The following ASTN2 variants were observed in gnomAD, a reference collection of about 807,000 sequenced individuals.
ASTN2 encodes the protein astrotactin 2, also known as astrotactin-2.
A neutral mutation model predicts 139.8 loss-of-function variants in ASTN2; 54 were observed. That is an observed-to-expected ratio of 0.39 (90% confidence interval 0.31 to 0.48). The LOEUF is 0.48. ASTN2 is among the 20% of genes least tolerant of loss of function. The pLI, the probability that ASTN2 is intolerant of heterozygous loss-of-function variation, is 0.95. For synonymous variants in ASTN2, 756 were observed against 719.5 expected (o/e 1.05, Z -0.81); for missense variants, 1,565 against 1,725.1 (o/e 0.91, Z 1.64).
chr9:116,590,754 G>A (rs7867838), intron 19 of ASTN2, among the ~76,000 whole-genome samples: 6,271 of 152,172 alleles, frequency 0.041, 374 homozygotes, highest in African/African-American at 0.13. Context: ...TAAAAACTCC[G>A]GACTCAGCCA....
At chr9:116,557,634 C>T (rs1031382557) in intron 19 of ASTN2, 1 of 152,080 alleles carries the variant, frequency 6.6e-6, no homozygotes, top group Non-Finnish European at 1.5e-5. Context: ...TGGAAATTGT[C>T]CTTAAAGGAA....
At chr9:117,093,157 CAG>C (rs1336243353) in intron 5 of ASTN2, among the ~76,000 whole-genome samples, 8 of 152,222 alleles carry the variant, frequency 5.3e-5, no homozygotes, top group African/African-American at 1.9e-4. Context: ...GATTGAAAAA[CAG>C]AGATCTGGAT....
At chr9:117,208,066 C>A (rs1354552447) in intron 3 of ASTN2, among the ~76,000 whole-genome samples, 1 of 152,060 alleles carries the variant, frequency 6.6e-6, no homozygotes, top group Non-Finnish European at 1.5e-5. Flanking sequence ...CTACCACATG[C>A]TAAGAAATCA....
At chr9:117,268,018 A>T (rs1355779318) in intron 2 of ASTN2, among the ~76,000 whole-genome samples, 2 of 152,224 alleles carry the variant, frequency 1.3e-5, no homozygotes, top group Non-Finnish European at 2.9e-5. Context: ...GTTTCATTTG[A>T]TAAATAGTTT....
intron 2 of ASTN2, among the ~76,000 whole-genome samples, chr9:117,221,984 T>G (rs1832537325): frequency 1.3e-5 from 2 of 152,222 alleles, no homozygotes; most frequent in African/African-American, 4.8e-5. Context: ...ACGTGAATTG[T>G]GACAATTTGA....
At chr9:116,539,699 G>A (rs56991011) in intron 19 of ASTN2, among the ~76,000 whole-genome samples, 17,049 of 152,128 alleles carry the variant, frequency 0.11, 996 homozygotes, top group East Asian at 0.18. Context: ...GGGTGTATAC[G>A]CTGGACAAAG....
At chr9:116,854,299 A>G (rs1476312608) in intron 11 of ASTN2, among the ~76,000 whole-genome samples, 2 of 152,218 alleles carry the variant, frequency 1.3e-5, no homozygotes, top group African/African-American at 4.8e-5. Context: ...GTGCCTGCTT[A>G]GGGCCATGTT....
chr9:116,762,910 A>T (rs1829710169), intron 13 of ASTN2, among the ~76,000 whole-genome samples: 1 of 152,306 alleles, frequency 6.6e-6, no homozygotes, highest in African/African-American at 2.4e-5. Context: ...TTGCAACCCT[A>T]TGACATTGGG....
chr9:116,753,445 T>C (rs1340804153), intron 13 of ASTN2, among the ~76,000 whole-genome samples: 6 of 152,192 alleles, frequency 3.9e-5, no homozygotes, highest in Admixed American at 2.6e-4. Context: ...GGTGGTTACA[T>C]GATATTATGC....
chr9:116,788,392 C>T (rs1191538189), intron 13 of ASTN2, among the ~76,000 whole-genome samples: 1 of 152,054 alleles, frequency 6.6e-6, no homozygotes, highest in Non-Finnish European at 1.5e-5. Flanking sequence ...TTAATCATTC[C>T]ACAGTGAGCA....
intron 5 of ASTN2, among the ~76,000 whole-genome samples, chr9:117,051,321 T>G (rs555062190): frequency 6.6e-6 from 1 of 152,348 alleles, no homozygotes; most frequent in East Asian, 1.9e-4. Flanking sequence ...TTATTTTATT[T>G]GATTAATCAT....
intron 19 of ASTN2, among the ~76,000 whole-genome samples, chr9:116,616,228 A>G (rs1855846676): frequency 6.6e-6 from 1 of 152,234 alleles, no homozygotes; most frequent in Non-Finnish European, 1.5e-5. Flanking sequence ...AGTGTTAAAG[A>G]GAAAGCAAGA....
At chr9:116,732,837 T>A (rs755157278) in intron 14 of ASTN2, among the ~76,000 whole-genome samples, 1 of 152,198 alleles carries the variant, frequency 6.6e-6, no homozygotes, top group Admixed American at 6.5e-5. Context: ...CTGGCAGATA[T>A]GCTGTGTAAC....
In ASTN2 at chr9:116,669,899, G is replaced by A. The variant is rs1270100139; in HGVS notation, c.2807-18106C>T. ...TGGCTCACTGCAACCTCAACCTCTT[G>A]GGTTCAAGCAATTCTCTGCCTCAGC... On this transcript the variant is annotated intron_variant, in intron 16 of 22. Coordinates refer to ENST00000313400, the MANE Select transcript of ASTN2 (RefSeq NM_001365068.1). 6.0e-5 allele frequency among the ~76,000 whole-genome samples: 9 copies of A among 151,206 alleles called. No individual in the cohort carries two copies. The South Asian group carries it at 1.2e-3, about 21-fold the overall frequency.
At chr9:116,508,637 A>G (rs528641510) in intron 19 of ASTN2, among the ~76,000 whole-genome samples, 1 of 152,210 alleles carries the variant, frequency 6.6e-6, no homozygotes, top group South Asian at 2.1e-4. Context: ...AGCGCAGATG[A>G]TTTTAGTTTT....
At chr9:117,343,464 A>T (rs1243883635) in intron 1 of ASTN2, among the ~76,000 whole-genome samples, 1 of 152,214 alleles carries the variant, frequency 6.6e-6, no homozygotes, top group African/African-American at 2.4e-5. Context: ...AACTGCTGTG[A>T]TGTCATTGAC....
chr9:117,303,943 A>G (rs1335931277), intron 1 of ASTN2, among the ~76,000 whole-genome samples: 1 of 152,158 alleles, frequency 6.6e-6, no homozygotes, highest in Admixed American at 6.5e-5. Flanking sequence ...GATCCCTGCA[A>G]TTGTCATGTG....
chr9:117,191,333 A>C (rs1831343187), intron 3 of ASTN2, among the ~76,000 whole-genome samples: 1 of 152,074 alleles, frequency 6.6e-6, no homozygotes, highest in African/African-American at 2.4e-5. Flanking sequence ...GTATAATATT[A>C]AATAAAAATG....
chr9:116,725,472 A>G (rs1828592833), intron 16 of ASTN2, among the ~76,000 whole-genome samples: 1 of 152,080 alleles, frequency 6.6e-6, no homozygotes, highest in African/African-American at 2.4e-5. Context: ...GTTGTTTCAA[A>G]GAGAGGATGT....
Sources: allele counts gnomAD v4.1 joint callset (sites outside exome capture counted in the v4.1 genomes callset), GRCh38; gene constraint gnomAD v4.1.1; transcripts MANE v1.5; gene names NCBI Gene and HGNC (gene_info 2026-07-23, HGNC 2026-07-21).